DSE: variants seen among roughly 807,000 people sequenced by gnomAD.
DSE encodes the protein dermatan sulfate epimerase.
DSE carries 36 observed loss-of-function variants against 84.4 expected under a neutral mutation model. The ratio of observed to expected loss-of-function variants is 0.43; its 90% CI spans 0.33 to 0.56. DSE has a LOEUF of 0.56. DSE is among the 20% of genes least tolerant of loss of function. DSE has a pLI of 0.06. For synonymous variants in DSE, 410 were observed against 430.1 expected (o/e 0.95, Z 0.58); for missense variants, 862 against 1,169.6 (o/e 0.74, Z 3.84).
chr6:116,421,254 C>T (rs1022662295), intron 2 of DSE, among the ~76,000 whole-genome samples: 7 of 151,644 alleles, frequency 4.6e-5, no homozygotes, highest in Non-Finnish European at 1.0e-4. Flanking sequence ...GCACTTTGTA[C>T]TCTTAAAAAT....
intron 2 of DSE, among the ~76,000 whole-genome samples, chr6:116,313,032 A>C (rs1411970763): frequency 6.6e-6 from 1 of 152,168 alleles, no homozygotes; most frequent in Admixed American, 6.6e-5. Context: ...ATAATTACTT[A>C]AGATGAAGTC....
At chr6:116,348,098 A>G (rs1320711797) in intron 2 of DSE, among the ~76,000 whole-genome samples, 1 of 152,206 alleles carries the variant, frequency 6.6e-6, no homozygotes, top group Non-Finnish European at 1.5e-5. Context: ...ACAATGAGAT[A>G]CCATCTCACA....
At chr6:116,298,911 T>G (rs535036774) in intron 2 of DSE, among the ~76,000 whole-genome samples, 1 of 152,288 alleles carries the variant, frequency 6.6e-6, no homozygotes, top group Admixed American at 6.5e-5. Flanking sequence ...AAAAAATCGT[T>G]TTGGATACCT....
intron 1 of DSE, among the ~76,000 whole-genome samples, chr6:116,377,173 T>C (rs1562265543): frequency 6.6e-6 from 1 of 152,230 alleles, no homozygotes; most frequent in African/African-American, 2.4e-5. Context: ...GTTTGTTGCT[T>C]AAGTCAGGGC....
At chr6:116,323,695 C>CA (rs1776460873) in intron 2 of DSE, among the ~76,000 whole-genome samples, 2 of 152,024 alleles carry the variant, frequency 1.3e-5, no homozygotes, top group Admixed American at 1.3e-4. Flanking sequence ...AAATTTAAAT[C>CA]TAACAGAAAA....
chr6:116,317,935 C>T (rs1460732582), intron 2 of DSE, among the ~76,000 whole-genome samples: 1 of 152,168 alleles, frequency 6.6e-6, no homozygotes, highest in Non-Finnish European at 1.5e-5. Context: ...TATTATTGGT[C>T]AGTTTGGTTC....
At chr6:116,276,794 T>A (rs1183836137) in intron 2 of DSE, 1 of 152,206 alleles carries the variant, frequency 6.6e-6, no homozygotes, top group Non-Finnish European at 1.5e-5. Context: ...AATGGTACAC[T>A]TCCAATTTGT....
At chr6:116,369,661 A>C (rs1369742337), upstream of DSE, among the ~76,000 whole-genome samples, 1 of 152,208 alleles carries the variant, frequency 6.6e-6, no homozygotes, top group Non-Finnish European at 1.5e-5. Context: ...CTAAAGCATC[A>C]AGAAGTTTAT....
intron 2 of DSE, among the ~76,000 whole-genome samples, chr6:116,265,564 C>T (rs954421994): frequency 2.6e-5 from 4 of 152,048 alleles, no homozygotes; most frequent in Admixed American, 6.5e-5. Context: ...AGCATGCAGG[C>T]TGGCACATGG....
At chr6:116,348,700 C>T (rs1003272522) in intron 2 of DSE, among the ~76,000 whole-genome samples, 18 of 152,140 alleles carry the variant, frequency 1.2e-4, no homozygotes, top group Non-Finnish European at 2.2e-4. Flanking sequence ...GCATTATTCA[C>T]GATAGCAAAG....
intron 1 of DSE, among the ~76,000 whole-genome samples, chr6:116,393,877 G>A (rs545562291): frequency 6.6e-6 from 1 of 152,202 alleles, no homozygotes; most frequent in East Asian, 1.9e-4. Context: ...ACTACCATTT[G>A]TTTCATTCTA....
In DSE at chr6:116,429,466, C is replaced by T. The variant is rs1191380258; in HGVS notation, c.671-1488C>T. On this transcript the variant is annotated intron_variant, in intron 3 of 5. Transcript: ENST00000644252. ...GGCTTAATTTTATTCTCAAGGGTTG[C>T]GTGTTTTAAAGGAAAACCTTAAATC... is the stretch of plus-strand genomic sequence containing the variant. Among the ~76,000 whole-genome samples the T allele has an allele frequency of 4.6e-5, 7 of 152,112 alleles. No homozygotes were observed. In the East Asian group the frequency reaches 5.8e-4, roughly 13 times the overall value.
In DSE at chr6:116,300,395, C is replaced by T. The variant is rs191529786; in HGVS notation, c.-54+41428C>T. 3.3e-5 allele frequency among the ~76,000 whole-genome samples: 5 copies of T among 152,248 alleles called. No homozygotes were observed. In the East Asian group the frequency reaches 7.7e-4, roughly 23 times the overall value. On this transcript the variant is annotated intron_variant, in intron 2 of 3. Transcript: ENST00000430252. ...TGCAAAAATGAAAGAAGAAAAGCCT[C>T]GCTTCAAATGCACAAGTTCCTTAAA... is the stretch of plus-strand genomic sequence containing the variant.
At chr6:116,315,400 A>C (rs1409524932) in intron 2 of DSE, among the ~76,000 whole-genome samples, 1 of 151,888 alleles carries the variant, frequency 6.6e-6, no homozygotes, top group Non-Finnish European at 1.5e-5. Flanking sequence ...CTTGCTTTAG[A>C]ATGTAAATGT....
intron 1 of DSE, among the ~76,000 whole-genome samples, chr6:116,376,984 C>G (rs549626685): frequency 3.3e-5 from 5 of 152,256 alleles, no homozygotes; most frequent in African/African-American, 1.2e-4. Flanking sequence ...TATTTCTAGA[C>G]TTAATAGTTT....
At chr6:116,317,429 G>A (rs1182321008) in intron 2 of DSE, among the ~76,000 whole-genome samples, 1 of 152,220 alleles carries the variant, frequency 6.6e-6, no homozygotes, top group Non-Finnish European at 1.5e-5. Context: ...TGTCCAAGAT[G>A]TGTCCTTTCC....
At position 116,437,131 on chromosome 6, in the gene DSE, C is replaced by G. The variant is rs376771433; in HGVS notation, c.2663C>G (p.Thr888Ser). The G allele has an allele frequency of 2.5e-5, 40 of 1,614,116 alleles. No homozygotes were observed. The Admixed American group carries it at 4.8e-4, about 20-fold the overall frequency. ...TTTGGACAGGCACGGATGGTGACAA[C>G]TACACACAGCAGGGCCCCATCACTG... ...GRFGQARMVTTTHSRAPSLSA... is the reference protein window; with the variant it reads ...GRFGQARMVTSTHSRAPSLSA... Residue 888 changes from threonine to serine, a missense_variant, in exon 6 of 6, where the codon ACT (threonine) becomes AGT (serine). Coordinates refer to ENST00000644252, the MANE Select transcript of DSE (RefSeq NM_013352.4).
At chr6:116,338,528 A>G (rs1022313779) in intron 2 of DSE, among the ~76,000 whole-genome samples, 9 of 151,860 alleles carry the variant, frequency 5.9e-5, no homozygotes, top group Admixed American at 5.3e-4. Context: ...CCAGCCTACT[A>G]TGCATCCTTT....
At chr6:116,343,266 C>T (rs906247389) in intron 2 of DSE, among the ~76,000 whole-genome samples, 3 of 152,140 alleles carry the variant, frequency 2.0e-5, no homozygotes, top group East Asian at 1.9e-4. Context: ...CAGACTTAAA[C>T]GTCCCTGTCC....
Sources: gnomAD v4.1 joint callset for allele counts (sites outside exome capture counted in the v4.1 genomes callset) on GRCh38, gnomAD v4.1.1 for gene constraint, MANE v1.5 for transcripts, NCBI Gene and HGNC (gene_info 2026-07-23, HGNC 2026-07-21) for gene names.